C3orf52: variants seen among roughly 807,000 people sequenced by gnomAD.
The protein encoded by C3orf52 is TPA-induced transmembrane protein.
A neutral mutation model predicts 24.8 loss-of-function variants in C3orf52; 22 were observed. The ratio of observed to expected loss-of-function variants is 0.89; its 90% CI spans 0.63 to 1.27. The LOEUF is 1.27. Ranked by LOEUF, C3orf52 falls within the 50% of genes most tolerant of loss-of-function variation. The probability of loss-of-function intolerance (pLI) is 0.00; values close to 1 mark genes in which losing one functional copy is unlikely to be tolerated. For synonymous variants in C3orf52, 93 were observed against 100.2 expected (o/e 0.93, Z 0.43); for missense variants, 265 against 260.7 (o/e 1.02, Z -0.11).
chr3:112,121,050 TATA>T, downstream of C3orf52: 1 of 152,314 alleles, frequency 6.6e-6, no homozygotes, highest in South Asian at 2.1e-4. Flanking sequence ...TAATCCCTCT[TATA>T]ATTCCCTCTT....
intron 4 of C3orf52, chr3:112,127,967 ATT>A (rs1328360956): frequency 1.3e-6 from 2 of 1,543,394 alleles, no homozygotes; most frequent in Middle Eastern, 1.7e-4. Flanking sequence ...CAAATACCAC[ATT>A]GAAACCACAC....
At chr3:112,129,278 T>A (rs2107810925), downstream of C3orf52, 1 of 152,346 alleles carries the variant, frequency 6.6e-6, no homozygotes, top group East Asian at 1.9e-4. Context: ...AGATATTCTC[T>A]GAACTCCTGA....
chr3:112,107,827 T>TTC (rs59805675), intron 3 of C3orf52, among the ~76,000 whole-genome samples: 10,254 of 152,294 alleles, frequency 0.067, 510 homozygotes, highest in African/African-American at 0.14. Flanking sequence ...TCATCTTTTG[T>TTC]TCTCTTTGAG....
downstream of C3orf52, chr3:112,130,471 C>T (rs150107971): frequency 1.0e-4 from 169 of 1,613,914 alleles, no homozygotes; most frequent in Non-Finnish European, 1.1e-4. Flanking sequence ...TGGGGCTTTG[C>T]ATTCTCACAT....
chr3:112,104,864 C>T (rs2074009207), intron 3 of C3orf52, among the ~76,000 whole-genome samples: 1 of 152,074 alleles, frequency 6.6e-6, no homozygotes, highest in Admixed American at 6.5e-5. Context: ...CCTTTCCTTC[C>T]ACCTGCTTCC....
At chr3:112,097,309 A>G (rs1412158848) in intron 2 of C3orf52, among the ~76,000 whole-genome samples, 2 of 152,216 alleles carry the variant, frequency 1.3e-5, no homozygotes, top group African/African-American at 4.8e-5. Context: ...TAAATATTTC[A>G]AAAACAAAAC....
At chr3:112,109,666 C>A in intron 4 of C3orf52, 53 bp downstream of exon 4, 2 of 1,096,862 alleles carry the variant, frequency 1.8e-6, no homozygotes, top group Non-Finnish European at 2.8e-6. Context: ...AGAGATCCCC[C>A]CACCCCACCC....
chr3:112,100,264 AG>A (rs1404162998), intron 2 of C3orf52, among the ~76,000 whole-genome samples: 8 of 152,234 alleles, frequency 5.3e-5, no homozygotes, highest in African/African-American at 1.4e-4. Context: ...CTGGCGTTTA[AG>A]GGCTCTCTCT....
In C3orf52 at chr3:112,095,383, T is replaced by C. The variant is rs370518562; in HGVS notation, c.268+1894T>C. Among the ~76,000 whole-genome samples, 75 of 152,318 alleles carry C rather than the reference T, an allele frequency of 4.9e-4. 1 individual carries two copies. In the East Asian group the frequency reaches 0.011, roughly 22 times the overall value. On this transcript the variant is annotated intron_variant, in intron 2 of 5. Coordinates refer to ENST00000264848, the MANE Select transcript of C3orf52 (RefSeq NM_024616.3). ...ATCCTAGAAGTTGATATTTGGATCC[T>C]GTTGGCATCTGGGGCCTATCATAAA...
At chr3:112,108,581 A>G (rs1280304241) in intron 3 of C3orf52, among the ~76,000 whole-genome samples, 1 of 152,216 alleles carries the variant, frequency 6.6e-6, no homozygotes, top group East Asian at 1.9e-4. Context: ...AGTGCATGTG[A>G]TCATCATCAG....
At chr3:112,094,847 C>T (rs1012378607) in intron 2 of C3orf52, among the ~76,000 whole-genome samples, 7 of 152,208 alleles carry the variant, frequency 4.6e-5, no homozygotes, top group South Asian at 2.1e-4. Flanking sequence ...GGGATACTCC[C>T]GAGCATGATC....
exon 5 of C3orf52, chr3:112,128,581 C>T: frequency 4.3e-6 from 1 of 230,050 alleles, no homozygotes; most frequent in Non-Finnish European, 8.8e-6. Context: ...TATGTATTTC[C>T]AGTCTATGAC....
intron 1 of C3orf52, among the ~76,000 whole-genome samples, chr3:112,089,828 A>G (rs1304247493): frequency 6.6e-6 from 1 of 152,212 alleles, no homozygotes; most frequent in Non-Finnish European, 1.5e-5. Flanking sequence ...ACCTTTATCT[A>G]AAGACGGATG....
chr3:112,132,650 G>A, downstream of C3orf52: 1 of 987,274 alleles, frequency 1.0e-6, no homozygotes, highest in Non-Finnish European at 1.2e-6. Context: ...CTTGCAGGGA[G>A]TGCACATCAA....
intron 2 of C3orf52, among the ~76,000 whole-genome samples, chr3:112,098,232 C>T (rs1021780297): frequency 4.6e-5 from 7 of 152,192 alleles, no homozygotes; most frequent in Admixed American, 6.5e-5. Flanking sequence ...ATTGTCTGAT[C>T]GTGGAAGCCA....
At chr3:112,128,064 A>G (rs2074369418) in intron 4 of C3orf52, 1 of 1,613,184 alleles carries the variant, frequency 6.2e-7, no homozygotes, top group Non-Finnish European at 8.5e-7. Context: ...CCCAGCATCT[A>G]AAATACCCAA....
chr3:112,090,926 T>C (rs9847052), intron 1 of C3orf52, among the ~76,000 whole-genome samples: 9,230 of 152,294 alleles, frequency 0.061, 385 homozygotes, highest in African/African-American at 0.12. Flanking sequence ...AGATTCTTTG[T>C]ACTGGGATGT....
At chr3:112,116,539 C>G (rs1006270981) in intron 5 of C3orf52, 103 bp from the exon 6 acceptor site, 3 of 1,115,894 alleles carry the variant, frequency 2.7e-6, no homozygotes, top group Admixed American at 2.8e-5. Context: ...GCAATTTTAT[C>G]TAAGATTTTA....
At chr3:112,116,040 G>C (rs2074130658) in intron 5 of C3orf52, among the ~76,000 whole-genome samples, 2 of 152,118 alleles carry the variant, frequency 1.3e-5, no homozygotes, top group African/African-American at 4.8e-5. Flanking sequence ...TCTCACATGG[G>C]AAGGAGTCAG....
Sources: gnomAD v4.1 joint callset for allele counts (sites outside exome capture counted in the v4.1 genomes callset) on GRCh38, gnomAD v4.1.1 for gene constraint, MANE v1.5 for transcripts, NCBI Gene and HGNC (gene_info 2026-07-23, HGNC 2026-07-21) for gene names.